Variants in COL5A2 observed in about 807,000 individuals in gnomAD.
The protein encoded by COL5A2 is collagen alpha-2(V) chain.
COL5A2 carries 23 observed loss-of-function variants against 208.2 expected under a neutral mutation model. That is an observed-to-expected ratio of 0.11 (90% CI 0.08 to 0.16). The LOEUF (loss-of-function observed/expected upper bound fraction) is 0.16. COL5A2 is among the 10% of genes least tolerant of loss of function. COL5A2 has a pLI of 1.00. For missense variants in COL5A2, 1,590 were observed against 1,956.4 expected, an observed-to-expected ratio of 0.81 and a Z score of 3.53; for synonymous variants, 625 against 628.5, an observed-to-expected ratio of 0.99 and a Z score of 0.08.
chr2:189,423,432 A>AT, the COL5A2 span, among the ~76,000 whole-genome samples: 1 of 152,004 alleles, frequency 6.6e-6, no homozygotes, highest in South Asian at 2.1e-4. Context: ...ATAATAGGAA[A>AT]TTTTTTTAAT....
At chr2:189,091,643 T>C (rs989936168) in intron 7 of COL5A2, among the ~76,000 whole-genome samples, 1 of 152,134 alleles carries the variant, frequency 6.6e-6, no homozygotes, top group South Asian at 2.1e-4. Context: ...TGGAAAAACA[T>C]AAGTTTATAT....
chr2:189,053,425 T>C lies in COL5A2; in HGVS notation c.2552A>G (p.Gln851Arg), dbSNP rs1286805423. 5 of 1,613,260 alleles carry C rather than the reference T, an allele frequency of 3.1e-6. No homozygotes were observed. The African/African-American group carries it at 4.0e-5, about 13-fold the overall frequency. ...PTGAVGFAGP[Q>R]GPDGQPGVKG... ...ATTAGGGATATTTGAAAATTATACCTGGGGTCCGGCAAAACCAACAGCTCC... is the reference window on the plus strand; with the variant it reads ...ATTAGGGATATTTGAAAATTATACCCGGGGTCCGGCAAAACCAACAGCTCC... Residue 851 changes from glutamine (Q) to arginine (R), a missense_variant and splice_region_variant, in exon 38 of 54, where the codon CAG becomes CGG. Physicochemically the swap from Gln to Arg is conservative, Grantham distance 43. Coordinates refer to ENST00000374866, the MANE Select transcript of COL5A2 (RefSeq NM_000393.5).
At chr2:189,108,697 T>C (rs1425426977) in intron 2 of COL5A2, among the ~76,000 whole-genome samples, 1 of 151,968 alleles carries the variant, frequency 6.6e-6, no homozygotes, top group African/African-American at 2.4e-5. Context: ...TTCTACTCAA[T>C]TGTATTAATT....
the COL5A2 span, among the ~76,000 whole-genome samples, chr2:189,261,078 G>C: frequency 2.0e-5 from 3 of 151,872 alleles, no homozygotes; most frequent in African/African-American, 7.3e-5. Context: ...CCTCTAATCT[G>C]ACACTTCACC....
At chr2:189,148,668 A>C (rs1426831987) in intron 1 of COL5A2, among the ~76,000 whole-genome samples, 2 of 152,226 alleles carry the variant, frequency 1.3e-5, no homozygotes, top group African/African-American at 2.4e-5. Context: ...GACTTAGCTA[A>C]ACCTAGGAAT....
intron 1 of COL5A2, among the ~76,000 whole-genome samples, chr2:189,112,984 T>C (rs913080337): frequency 2.6e-5 from 4 of 152,184 alleles, no homozygotes; most frequent in African/African-American, 4.8e-5. Flanking sequence ...AGTTTTATGA[T>C]TGAGAAGGAA....
chr2:189,112,818 T>A (rs1393195351), intron 1 of COL5A2, among the ~76,000 whole-genome samples: 9 of 152,198 alleles, frequency 5.9e-5, no homozygotes, highest in Non-Finnish European at 7.4e-5. Flanking sequence ...ATTCATCAAA[T>A]AAACAGTGTG....
chr2:189,291,552 T>A, the COL5A2 span, among the ~76,000 whole-genome samples: 1 of 152,106 alleles, frequency 6.6e-6, no homozygotes. Flanking sequence ...TAGGTTAAAT[T>A]TTTTTACATA....
intron 18 of COL5A2, among the ~76,000 whole-genome samples, chr2:189,070,726 G>C (rs1407126136): frequency 6.6e-6 from 1 of 152,164 alleles, no homozygotes; most frequent in Non-Finnish European, 1.5e-5. Context: ...TGGGGACGGA[G>C]GGTCTCACAA....
the COL5A2 span, among the ~76,000 whole-genome samples, chr2:189,390,015 G>T: frequency 2.0e-5 from 3 of 152,024 alleles, no homozygotes; most frequent in East Asian, 1.9e-4. Flanking sequence ...GGACACATTG[G>T]TTTCTATCAT....
chr2:189,198,344 A>C (rs1689032353), intron 1 of COL5A2, among the ~76,000 whole-genome samples: 1 of 152,208 alleles, frequency 6.6e-6, no homozygotes, highest in Admixed American at 6.5e-5. Context: ...CTGTTGGAGT[A>C]AAGTGGGATC....
chr2:189,154,029 A>G (rs1688197071), intron 1 of COL5A2, among the ~76,000 whole-genome samples: 1 of 152,134 alleles, frequency 6.6e-6, no homozygotes, highest in African/African-American at 2.4e-5. Context: ...CAGTCATATT[A>G]ATAACTACAC....
At chr2:189,142,375 T>C (rs1687950512) in intron 1 of COL5A2, among the ~76,000 whole-genome samples, 1 of 152,112 alleles carries the variant, frequency 6.6e-6, no homozygotes, top group Non-Finnish European at 1.5e-5. Flanking sequence ...ATAAATTTTT[T>C]ATATCTGTGC....
chr2:189,365,617 T>C, the COL5A2 span, among the ~76,000 whole-genome samples: 1 of 152,250 alleles, frequency 6.6e-6, no homozygotes, highest in Admixed American at 6.5e-5. Flanking sequence ...ATGGCTGCAC[T>C]GGGGCAGCTC....
At chr2:189,062,824 A>G (rs535873314) in intron 29 of COL5A2, 41 bp downstream of exon 29, 2 of 1,582,798 alleles carry the variant, frequency 1.3e-6, no homozygotes, top group Non-Finnish European at 8.7e-7. Flanking sequence ...CAATGTGTGT[A>G]TATATATATT....
the COL5A2 span, among the ~76,000 whole-genome samples, chr2:189,390,617 G>T: frequency 6.6e-6 from 1 of 152,196 alleles, no homozygotes; most frequent in East Asian, 1.9e-4. Context: ...GGCATAAAAA[G>T]TTTGGATTAA....
intron 1 of COL5A2, among the ~76,000 whole-genome samples, chr2:189,208,131 G>A (rs763273082): frequency 2.6e-4 from 39 of 152,078 alleles, no homozygotes; most frequent in Non-Finnish European, 7.4e-5. Flanking sequence ...GGATATCAAA[G>A]TCAACTTGAC....
chr2:189,039,455 G>T lies in COL5A2; in HGVS notation c.3742C>A (p.Leu1248Ile), dbSNP rs1016619437. 1 of 1,614,130 alleles carries T rather than the reference G, an allele frequency of 6.2e-7. No individual in the cohort carries two copies. ...GCCTGATCTTCAGTAAACTCAGGAA[G>T]TGGATCTGGCATGCTTTCATCATAG... ...GHYDESMPDP[L>I]PEFTEDQAAP... Residue 1248 changes from leucine to isoleucine, a missense_variant, in exon 51 of 54, where the codon CTT (leucine) becomes ATT (isoleucine). Transcript: ENST00000374866.
intron 6 of COL5A2, chr2:189,095,757 A>T (rs1395687191): frequency 6.6e-6 from 1 of 151,684 alleles, no homozygotes; most frequent in African/African-American, 2.4e-5. Context: ...CCAATGCAAA[A>T]TCTTTTTTTT....
Sources: allele counts gnomAD v4.1 joint callset (sites outside exome capture counted in the v4.1 genomes callset), GRCh38; gene constraint gnomAD v4.1.1; transcripts MANE v1.5; gene names NCBI Gene and HGNC (gene_info 2026-07-23, HGNC 2026-07-21).